CSMD1: variants seen among roughly 807,000 people sequenced by gnomAD.
The protein encoded by CSMD1 is CUB and Sushi multiple domains 1.
CSMD1 carries 213 observed loss-of-function variants against 417.5 expected under a neutral mutation model. That is an observed-to-expected ratio of 0.51 (90% CI 0.46 to 0.57). CSMD1 has a LOEUF of 0.57. CSMD1 is among the 20% of genes least tolerant of loss of function. CSMD1 has a pLI of 0.00. For synonymous variants in CSMD1, 2,862 were observed against 1,736.8 expected (o/e 1.65, Z -16.11); for missense variants, 6,923 against 4,529.7 (o/e 1.53, Z -15.17).
chr8:4,756,400 G>A (rs556320681), intron 1 of CSMD1, among the ~76,000 whole-genome samples: 1 of 152,124 alleles, frequency 6.6e-6, no homozygotes, highest in Non-Finnish European at 1.5e-5. Flanking sequence ...ACCCGACCAA[G>A]TTGAAGAACA....
At chr8:4,225,754 A>G (rs572057183) in intron 3 of CSMD1, among the ~76,000 whole-genome samples, 2 of 152,286 alleles carry the variant, frequency 1.3e-5, no homozygotes, top group South Asian at 2.1e-4. Context: ...AAAGGTTTCA[A>G]TGGGGCCAAT....
chr8:4,651,094 C>A (rs762897272), intron 1 of CSMD1, among the ~76,000 whole-genome samples: 11 of 152,066 alleles, frequency 7.2e-5, no homozygotes, highest in Admixed American at 7.2e-4. Flanking sequence ...GGAAATATAA[C>A]ATGATGCCAA....
At chr8:3,226,542 A>G (rs1798514399) in intron 27 of CSMD1, among the ~76,000 whole-genome samples, 1 of 147,310 alleles carries the variant, frequency 6.8e-6, no homozygotes, top group Non-Finnish European at 1.5e-5. Flanking sequence ...AGATCACACC[A>G]CTGCACTCCA....
intron 40 of CSMD1, among the ~76,000 whole-genome samples, chr8:3,143,297 C>G (rs1376122209): frequency 6.6e-6 from 1 of 152,158 alleles, no homozygotes; most frequent in Non-Finnish European, 1.5e-5. Flanking sequence ...CGGTCATTTT[C>G]TATTGTGTTA....
intron 5 of CSMD1, among the ~76,000 whole-genome samples, chr8:3,938,291 A>C (rs1022104960): frequency 6.6e-6 from 1 of 152,178 alleles, no homozygotes; most frequent in Non-Finnish European, 1.5e-5. Flanking sequence ...AAAAAACTGC[A>C]TGCTGGAGTT....
intron 3 of CSMD1, among the ~76,000 whole-genome samples, chr8:4,221,796 C>T (rs114953749): frequency 0.011 from 1,750 of 152,216 alleles, 35 homozygotes; most frequent in African/African-American, 0.04. Flanking sequence ...GAAAGGTGGA[C>T]CTCCAAATCT....
chr8:4,660,247 C>A (rs559056799), intron 1 of CSMD1, among the ~76,000 whole-genome samples: 1 of 152,028 alleles, frequency 6.6e-6, no homozygotes, highest in East Asian at 1.9e-4. Flanking sequence ...TTCCCATAAC[C>A]AGTAAGTGAT....
chr8:4,339,370 A>G (rs986548804), intron 3 of CSMD1, among the ~76,000 whole-genome samples: 7 of 152,080 alleles, frequency 4.6e-5, no homozygotes, highest in Non-Finnish European at 8.8e-5. Context: ...TAATGAATCT[A>G]TTTTTTATCT....
At chr8:3,853,223 G>T (rs1313991824) in intron 5 of CSMD1, among the ~76,000 whole-genome samples, 1 of 152,080 alleles carries the variant, frequency 6.6e-6, no homozygotes, top group Non-Finnish European at 1.5e-5. Flanking sequence ...CTTCTTTGTT[G>T]GTTCTTCCTT....
At chr8:3,905,453 C>A (rs1367971312) in intron 5 of CSMD1, among the ~76,000 whole-genome samples, 1 of 152,190 alleles carries the variant, frequency 6.6e-6, no homozygotes, top group Non-Finnish European at 1.5e-5. Flanking sequence ...GTAAGACCCC[C>A]CAACACGGGT....
At chr8:4,037,037 C>G (rs1215604941) in intron 3 of CSMD1, among the ~76,000 whole-genome samples, 1 of 151,608 alleles carries the variant, frequency 6.6e-6, no homozygotes, top group African/African-American at 2.4e-5. Context: ...GGCTGGTGAC[C>G]ACCTGGCACC....
At chr8:3,128,802 TG>T (rs1817643103) in intron 41 of CSMD1, 2 of 433,412 alleles carry the variant, frequency 4.6e-6, no homozygotes, top group East Asian at 7.0e-5. Flanking sequence ...TTCGAGTTTT[TG>T]TTTTTTTTTT....
intron 2 of CSMD1, among the ~76,000 whole-genome samples, chr8:4,592,493 T>C (rs1202397977): frequency 1.3e-5 from 2 of 151,954 alleles, no homozygotes; most frequent in African/African-American, 4.8e-5. Context: ...TTTAAGCGAT[T>C]CTCCTGCCTC....
chr8:3,959,382 C>G (rs777724367), intron 5 of CSMD1, among the ~76,000 whole-genome samples: 3 of 152,116 alleles, frequency 2.0e-5, no homozygotes, highest in Non-Finnish European at 2.9e-5. Context: ...GCCTGTAGTA[C>G]CAGCTACTCA....
chr8:3,112,641 T>C (rs1327064406), intron 42 of CSMD1, among the ~76,000 whole-genome samples: 3 of 152,192 alleles, frequency 2.0e-5, no homozygotes, highest in Non-Finnish European at 2.9e-5. Flanking sequence ...TAAGGGTGCC[T>C]GGGATGGAGA....
intron 1 of CSMD1, among the ~76,000 whole-genome samples, chr8:4,823,657 C>T (rs367637924): frequency 6.6e-6 from 1 of 152,024 alleles, no homozygotes; most frequent in Non-Finnish European, 1.5e-5. Context: ...TAGCAATAAT[C>T]ACAACACTGA....
chr8:3,389,934 G>C, intron 17 of CSMD1, among the ~76,000 whole-genome samples: 1 of 151,940 alleles, frequency 6.6e-6, no homozygotes, highest in East Asian at 1.9e-4. Context: ...ATTACAAACT[G>C]TTTGAATGGA....
chr8:3,494,143 A>G (rs75590082), intron 10 of CSMD1, among the ~76,000 whole-genome samples: 2,544 of 152,326 alleles, frequency 0.017, 70 homozygotes, highest in African/African-American at 0.058. Context: ...TTCTATATGC[A>G]TACTTCATGG....
chr8:4,429,316 C>G (rs925268356), intron 2 of CSMD1, among the ~76,000 whole-genome samples: 7 of 152,002 alleles, frequency 4.6e-5, no homozygotes, highest in Non-Finnish European at 1.0e-4. Flanking sequence ...CACTGCTCTT[C>G]AAGAGCTTTA....
Sources: gnomAD v4.1 joint callset for allele counts (sites outside exome capture counted in the v4.1 genomes callset) on GRCh38, gnomAD v4.1.1 for gene constraint, MANE v1.5 for transcripts, NCBI Gene and HGNC (gene_info 2026-07-23, HGNC 2026-07-21) for gene names.